Variants in DHX9 observed in about 807,000 individuals in gnomAD.
DHX9 encodes ATP-dependent RNA helicase A.
In DHX9, 27 loss-of-function variants were observed where a neutral mutation model predicts 148.7. The observed-to-expected ratio is 0.18, with a 90% confidence interval of 0.13 to 0.25. DHX9 has a LOEUF of 0.25. Among genes scored for constraint, DHX9 ranks in the 10% least tolerant of loss-of-function variants. The probability of loss-of-function intolerance (pLI) is 1.00; values close to 1 mark genes in which losing one functional copy is unlikely to be tolerated. For synonymous variants in DHX9, 529 were observed against 516.6 expected (o/e 1.02, Z -0.33); for missense variants, 796 against 1,559.6 (o/e 0.51, Z 8.25).
intron 3 of DHX9, among the ~76,000 whole-genome samples, chr1:182,850,542 C>A (rs1345493075): frequency 1.3e-5 from 2 of 150,186 alleles, no homozygotes; most frequent in South Asian, 2.1e-4. Flanking sequence ...CTGCAGTGAT[C>A]TGTCATTGCA....
intron 6 of DHX9, 67 bp downstream of exon 6, chr1:182,854,245 A>G: frequency 1.4e-6 from 2 of 1,424,806 alleles, no homozygotes; most frequent in Middle Eastern, 1.8e-4. Context: ...ACTGTTGAAT[A>G]TAATCTATTT....
At chr1:182,886,173 A>ATT (rs113520374) in intron 27 of DHX9, among the ~76,000 whole-genome samples, 55 of 148,676 alleles carry the variant, frequency 3.7e-4, no homozygotes, top group African/African-American at 1.4e-3. Context: ...TTTTATTTTT[A>ATT]TTTTTTTTTA....
In DHX9 at chr1:182,859,974, T is replaced by G. The variant is rs370031734; in HGVS notation, c.1141-19T>G. ...TGTGTTGGTAGACATTTGACTGAAG[T>G]GTGACTTTTCTAATGCAGATCTTGC... On this transcript the variant is annotated intron_variant, in intron 11 of 27. Transcript: ENST00000367549. 4 of 1,595,862 alleles carry G rather than the reference T, an allele frequency of 2.5e-6. No homozygotes were observed. Among genetic ancestry groups the G allele is most frequent in the African/African-American group, 1.3e-5 (1 of 74,252 alleles).
At chr1:182,853,275 C>T (rs778801889) in intron 4 of DHX9, 31 bp from the exon 5 acceptor site, 2 of 1,476,032 alleles carry the variant, frequency 1.4e-6, no homozygotes, top group South Asian at 1.2e-5. Context: ...ACAGTTATGA[C>T]TCATTAAGAG....
intron 3 of DHX9, among the ~76,000 whole-genome samples, chr1:182,848,597 A>T (rs569979835): frequency 6.6e-6 from 1 of 152,296 alleles, no homozygotes; most frequent in African/African-American, 2.4e-5. Context: ...TGAGTAAATG[A>T]ATGGATGAAT....
intron 14 of DHX9, among the ~76,000 whole-genome samples, chr1:182,870,038 C>G (rs1388127340): frequency 6.6e-6 from 1 of 152,148 alleles, no homozygotes; most frequent in African/African-American, 2.4e-5. Flanking sequence ...AGGTAATATA[C>G]CGAAGGCAGT....
At chr1:182,881,888 T>C (rs1649099690) in intron 24 of DHX9, among the ~76,000 whole-genome samples, 1 of 152,226 alleles carries the variant, frequency 6.6e-6, no homozygotes. Context: ...TCTACCACAT[T>C]AAATTTTAAA....
intron 3 of DHX9, among the ~76,000 whole-genome samples, chr1:182,846,801 A>G (rs10911146): frequency 0.033 from 4,976 of 151,990 alleles, 187 homozygotes; most frequent in African/African-American, 0.089. Context: ...AGACTTAGCT[A>G]TTATTTAAGA....
chr1:182,859,475 A>C (rs1484048544), intron 11 of DHX9, among the ~76,000 whole-genome samples: 1 of 152,222 alleles, frequency 6.6e-6, no homozygotes, highest in African/African-American at 2.4e-5. Context: ...ACATCAAAAG[A>C]TACATTCTTC....
intron 12 of DHX9, among the ~76,000 whole-genome samples, chr1:182,862,461 T>TTGTAATTCA (rs1360700664): frequency 6.6e-6 from 1 of 152,238 alleles, no homozygotes; most frequent in African/African-American, 2.4e-5. Context: ...AAGAGATGAA[T>TTGTAATTCA]TGTAATTGTA....
chr1:182,882,320 T>A (rs1044044146), intron 24 of DHX9, among the ~76,000 whole-genome samples: 9 of 152,222 alleles, frequency 5.9e-5, no homozygotes, highest in African/African-American at 1.9e-4. Context: ...GCTATAAGAC[T>A]AGAACTCGTT....
chr1:182,884,524 C>A, intron 26 of DHX9, 89 bp from the exon 27 acceptor site: 2 of 1,128,068 alleles, frequency 1.8e-6, no homozygotes, highest in Non-Finnish European at 2.6e-6. Flanking sequence ...TAAATTTATT[C>A]TATAATGTGC....
rs1385549489 is a variant in DHX9 at position 182,842,682 on chromosome 1, T to C, written c.111+5T>C. On this transcript the variant is annotated splice_donor_5th_base_variant and intron_variant, in intron 2 of 27. Coordinates refer to ENST00000367549, the MANE Select transcript of DHX9 (RefSeq NM_001357.5). ...AGGCAGAAATTCATGTGTGAGGTAC[T>C]GAAGAATACAGTTTGCATTTATGTG... 6.2e-7 allele frequency: 1 copy of C among 1,601,582 alleles called. No individual in the cohort carries two copies.
intron 7 of DHX9, among the ~76,000 whole-genome samples, chr1:182,856,935 C>T (rs1246830681): frequency 1.1e-4 from 17 of 151,434 alleles, no homozygotes; most frequent in Admixed American, 5.2e-4. Context: ...CTGCAAGCTC[C>T]GCCTCCCAGG....
intron 1 of DHX9, among the ~76,000 whole-genome samples, chr1:182,842,084 C>T (rs1312767828): frequency 6.6e-6 from 1 of 152,142 alleles, no homozygotes; most frequent in Non-Finnish European, 1.5e-5. Flanking sequence ...GAATTTAGGC[C>T]TCCACGGTGG....
At chr1:182,853,034 C>T (rs538433485) in intron 4 of DHX9, among the ~76,000 whole-genome samples, 12 of 119,484 alleles carry the variant, frequency 1.0e-4, no homozygotes, top group African/African-American at 5.4e-4. Context: ...TCAAGTGATT[C>T]TCTCACCTCA....
intron 12 of DHX9, 110 bp from the exon 13 acceptor site, chr1:182,866,330 GTTAA>G (rs201835326): frequency 0.019 from 19,532 of 1,039,488 alleles, 268 homozygotes; most frequent in Non-Finnish European, 0.021. Flanking sequence ...TATTGTTTCT[GTTAA>G]TTATTCAACT....
At chr1:182,847,367 TTTTG>T (rs1333502902) in intron 3 of DHX9, among the ~76,000 whole-genome samples, 2 of 152,166 alleles carry the variant, frequency 1.3e-5, no homozygotes, top group African/African-American at 2.4e-5. Flanking sequence ...GATTTGGTTT[TTTTG>T]TTTTGTTTTG....
chr1:182,880,635 G>A (rs377683061), intron 22 of DHX9, 27 bp downstream of exon 22: 98 of 1,411,766 alleles, frequency 6.9e-5, no homozygotes, highest in Non-Finnish European at 8.5e-5. Flanking sequence ...ATTTCTCTTC[G>A]TTAAGTGGCA....
Sources: gnomAD v4.1 joint callset for allele counts (sites outside exome capture counted in the v4.1 genomes callset) on GRCh38, gnomAD v4.1.1 for gene constraint, MANE v1.5 for transcripts, NCBI Gene and HGNC (gene_info 2026-07-23, HGNC 2026-07-21) for gene names.